Variants in NIPBL observed in about 807,000 individuals in gnomAD.
The protein encoded by NIPBL is NIPBL cohesin loading factor, also known as nipped-B-like protein.
NIPBL carries 19 observed loss-of-function variants against 321.8 expected under a neutral mutation model. The observed-to-expected ratio is 0.06, with a 90% CI of 0.04 to 0.09. The LOEUF (loss-of-function observed/expected upper bound fraction) is 0.09, where lower values mean the gene tolerates loss of function less well. Ranked by LOEUF, NIPBL falls within the 10% of genes least tolerant of loss-of-function variation. The pLI, the probability that NIPBL is intolerant of heterozygous loss-of-function variation, is 1.00. For missense variants in NIPBL, 2,210 were observed against 3,327.0 expected (o/e 0.66, Z 8.26); for synonymous variants, 1,106 against 1,114.1 (o/e 0.99, Z 0.14).
chr5:36,900,211 TA>T (rs1389661952), intron 1 of NIPBL, among the ~76,000 whole-genome samples: 1 of 151,688 alleles, frequency 6.6e-6, no homozygotes, highest in South Asian at 2.1e-4. Context: ...AAGAAACCAA[TA>T]AAAAAAATAC....
At chr5:36,896,048 C>T (rs780180766) in intron 1 of NIPBL, among the ~76,000 whole-genome samples, 2 of 150,152 alleles carry the variant, frequency 1.3e-5, no homozygotes, top group African/African-American at 2.4e-5. Context: ...AAGTTACACC[C>T]GTGTTTAGTT....
Position 37,014,668 on chromosome 5 carries a change from T to A in NIPBL, c.4561-15T>A. ...ATTTCTTGTATCTTTATAAACTCAC[T>A]TTTTTTCATTCTAGATTGACCAGGA... On this transcript the variant is annotated splice_polypyrimidine_tract_variant and intron_variant, in intron 21 of 46. Coordinates refer to ENST00000282516, the MANE Select transcript of NIPBL (RefSeq NM_133433.4). 6.5e-7 allele frequency: 1 copy of A among 1,548,882 alleles called. No individual in the cohort carries two copies. Among genetic ancestry groups the A allele is most frequent in the Admixed American group, 1.7e-5 (1 of 59,828 alleles).
intron 21 of NIPBL, among the ~76,000 whole-genome samples, chr5:37,013,300 A>AC (rs1209104900): frequency 3.6e-4 from 41 of 114,466 alleles, no homozygotes; most frequent in South Asian, 8.8e-4. Context: ...CGGGGGGCTG[A>AC]CCCCCCCACC....
In NIPBL at chr5:36,976,161, A is replaced by G. The variant is rs538985170; in HGVS notation, c.1254A>G (p.Gln418=). The change falls in exon 9 of 47, where the codon CAA becomes CAG. Residue 418 remains glutamine (Q), a synonymous_variant. Coordinates refer to ENST00000282516, the MANE Select transcript of NIPBL (RefSeq NM_133433.4). The part of the protein sequence containing the change: ...QDINRPLNAA[Q]CLSQQEQTAF... ...TAAACCGCCCACTAAATGCTGCTCA[A>G]TGTTTGTCGCAGCAAGAACAAACAG... The G allele has an allele frequency of 5.8e-5, 94 of 1,613,162 alleles. No individual in the cohort carries two copies. The highest frequency in any genetic ancestry group is 3.3e-4 in the Middle Eastern group (2 of 6,060).
chr5:36,989,147 A>C (rs1345684940), intron 10 of NIPBL, among the ~76,000 whole-genome samples: 1 of 152,206 alleles, frequency 6.6e-6, no homozygotes, highest in African/African-American at 2.4e-5. Flanking sequence ...CCCTAGCTCA[A>C]GAGCTACTTA....
At chr5:37,044,264 T>G in intron 34 of NIPBL, 83 bp from the exon 35 acceptor site, 1 of 1,334,844 alleles carries the variant, frequency 7.5e-7, no homozygotes, top group Non-Finnish European at 1.0e-6. Context: ...AAATGCCCTA[T>G]TTCTGCCCCC....
chr5:37,044,258 G>T, intron 34 of NIPBL, 89 bp from the exon 35 acceptor site: 1 of 1,147,914 alleles, frequency 8.7e-7, no homozygotes. Context: ...CGTGCAAAAT[G>T]CCCTATTTCT....
At chr5:36,960,743 A>G (rs980369940) in intron 4 of NIPBL, among the ~76,000 whole-genome samples, 3 of 152,164 alleles carry the variant, frequency 2.0e-5, no homozygotes, top group Non-Finnish European at 4.4e-5. Flanking sequence ...GTAGATTTTT[A>G]TCTGATTTTG....
chr5:36,900,667 G>GT (rs958451224), intron 1 of NIPBL, among the ~76,000 whole-genome samples: 13 of 151,434 alleles, frequency 8.6e-5, no homozygotes, highest in African/African-American at 1.7e-4. Flanking sequence ...ATATGCTCGG[G>GT]TTTTTTTTGT....
At position 37,049,114 on chromosome 5, in the gene NIPBL, A is replaced by G; in HGVS notation, c.6767A>G (p.Lys2256Arg). ...TRMQQADRDW[K>R]KVAKQEDLKE... ...TATCCTTTGCTTGCTTTTGTAGGGAAGAAAGTTGCAAAACAGGAAGACTTA... is the reference window on the plus strand; with the variant it reads ...TATCCTTTGCTTGCTTTTGTAGGGAGGAAAGTTGCAAAACAGGAAGACTTA... The change falls in exon 40 of 47, where the codon AAG becomes AGG. Residue 2256 changes from lysine to arginine, a missense_variant. Lys to Arg is a conservative substitution (Grantham distance 26). Coordinates refer to ENST00000282516, the MANE Select transcript of NIPBL (RefSeq NM_133433.4). 1 of 1,614,082 alleles carries G rather than the reference A, an allele frequency of 6.2e-7. No homozygotes were observed. Among genetic ancestry groups the G allele is most frequent in the Non-Finnish European group, 8.5e-7 (1 of 1,179,944 alleles).
chr5:37,005,262 C>A (rs1031893447), intron 16 of NIPBL, among the ~76,000 whole-genome samples: 1 of 151,978 alleles, frequency 6.6e-6, no homozygotes, highest in Non-Finnish European at 1.5e-5. Flanking sequence ...TTTTTAAGTG[C>A]CCTCTCTTTA....
At chr5:36,961,845 A>T (rs955202871) in intron 5 of NIPBL, among the ~76,000 whole-genome samples, 2 of 152,210 alleles carry the variant, frequency 1.3e-5, no homozygotes, top group African/African-American at 2.4e-5. Context: ...TGAGATAAGA[A>T]GATTTACGGA....
intron 1 of NIPBL, among the ~76,000 whole-genome samples, chr5:36,945,938 A>G (rs1449939258): frequency 2.6e-5 from 4 of 152,188 alleles, no homozygotes; most frequent in Non-Finnish European, 4.4e-5. Context: ...AATAGTAAGT[A>G]GTACCACATA....
At chr5:36,987,069 G>A (rs1450607880) in intron 10 of NIPBL, among the ~76,000 whole-genome samples, 1 of 152,022 alleles carries the variant, frequency 6.6e-6, no homozygotes, top group Admixed American at 6.6e-5. Flanking sequence ...AAATAGAGAT[G>A]GGGTCTTGCT....
intron 32 of NIPBL, among the ~76,000 whole-genome samples, chr5:37,033,717 T>C (rs1324299982): frequency 3.8e-5 from 3 of 79,936 alleles, no homozygotes; most frequent in African/African-American, 5.4e-5. Flanking sequence ...TATATATATA[T>C]ATATATATAT....
intron 29 of NIPBL, among the ~76,000 whole-genome samples, chr5:37,024,104 G>T (rs565177396): frequency 3.9e-5 from 6 of 151,986 alleles, no homozygotes; most frequent in South Asian, 2.1e-4. Flanking sequence ...GGCAGAGGTT[G>T]CAGTGAGCTG....
At chr5:37,053,604 G>A (rs1490215868) in intron 42 of NIPBL, among the ~76,000 whole-genome samples, 1 of 152,088 alleles carries the variant, frequency 6.6e-6, no homozygotes, top group Non-Finnish European at 1.5e-5. Context: ...TTTGGACTAT[G>A]GTTGACCAAG....
In NIPBL at chr5:37,063,811, C is replaced by T. The variant is rs1755074059; in HGVS notation, c.7882C>T (p.Leu2628=). The change falls in exon 46 of 47, where the codon CTG becomes TTG. Residue 2628 remains leucine (L), a synonymous_variant. Coordinates refer to ENST00000282516, the MANE Select transcript of NIPBL (RefSeq NM_133433.4). ...YLDFKLLMEH[L]DPDEEEEEGE... is the part of the protein sequence containing the mutation. ...GTAGTTCAAACTTCTCATGGAACAT[C>T]TGGACCCTGATGAAGAAGAAGAAGA... 4 of 1,613,828 alleles carry T rather than the reference C, an allele frequency of 2.5e-6. No homozygotes were observed. Among genetic ancestry groups the T allele is most frequent in the Non-Finnish European group, 3.4e-6 (4 of 1,179,914 alleles).
In NIPBL at chr5:37,065,991, C is replaced by G. The variant is rs1465816335; in HGVS notation, c.*1099C>G. The G allele has an allele frequency of 6.6e-6, 1 of 152,236 alleles. No individual in the cohort carries two copies. 9.4% of individuals were successfully genotyped at this position (152,236 alleles called of 1,614,324 possible). A position where few individuals can be genotyped will look rare whatever the true frequency, so the allele number is the denominator to read the frequency against. On this transcript the variant is annotated 3_prime_UTR_variant, in exon 47 of 47. Transcript: ENST00000282516. ...ATGAATATGACACTTCATAATTACA[C>G]TCACTACATTTTTCACAAATTATTT... is the stretch of plus-strand genomic sequence containing the variant.
Sources: allele counts gnomAD v4.1 joint callset (sites outside exome capture counted in the v4.1 genomes callset), GRCh38; gene constraint gnomAD v4.1.1; transcripts MANE v1.5; gene names NCBI Gene and HGNC (gene_info 2026-07-23, HGNC 2026-07-21).